Variants in WWOX observed in about 807,000 individuals in gnomAD.
WWOX encodes WW domain containing oxidoreductase, also known as WW domain-containing oxidoreductase.
In WWOX, 69 loss-of-function variants were observed where a neutral mutation model predicts 46.2. The ratio of observed to expected loss-of-function variants is 1.49; its 90% CI spans 1.23 to 1.82. The LOEUF (loss-of-function observed/expected upper bound fraction) is 1.82. WWOX is among the 40% of genes most tolerant of loss of function. WWOX has a pLI of 0.00. For missense variants in WWOX, 919 were observed against 542.6 expected (o/e 1.69, Z -6.89); for synonymous variants, 359 against 202.6 (o/e 1.77, Z -6.56).
chr16:78,849,265 A>G (rs1301899831), intron 8 of WWOX, among the ~76,000 whole-genome samples: 1 of 152,176 alleles, frequency 6.6e-6, no homozygotes, highest in African/African-American at 2.4e-5. Flanking sequence ...CGAAGTCACG[A>G]AGTTGTCAAA....
At chr16:78,655,572 T>C (rs555376916) in intron 8 of WWOX, among the ~76,000 whole-genome samples, 1 of 152,300 alleles carries the variant, frequency 6.6e-6, no homozygotes, top group South Asian at 2.1e-4. Flanking sequence ...CCATTAACAA[T>C]TGATGCACTT....
intron 5 of WWOX, among the ~76,000 whole-genome samples, chr16:78,212,632 C>A (rs1236047892): frequency 1.3e-5 from 2 of 152,130 alleles, no homozygotes; most frequent in African/African-American, 2.4e-5. Flanking sequence ...TGAATTAGGT[C>A]CACGAAAGAG....
At chr16:78,904,689 G>A (rs1481933422) in intron 8 of WWOX, among the ~76,000 whole-genome samples, 1 of 152,094 alleles carries the variant, frequency 6.6e-6, no homozygotes, top group Non-Finnish European at 1.5e-5. Context: ...TGGGGAGCAG[G>A]TAATTATGCT....
intron 8 of WWOX, among the ~76,000 whole-genome samples, chr16:78,558,340 T>C (rs903247073): frequency 1.3e-5 from 2 of 152,236 alleles, no homozygotes; most frequent in African/African-American, 2.4e-5. Context: ...TGCTGAAGTT[T>C]GTTTTGGATT....
Position 78,166,285 on chromosome 16 carries a change from C to T in WWOX, c.516+1996C>T, listed in dbSNP as rs552064629. On this transcript the variant is annotated intron_variant, in intron 5 of 8. Transcript: ENST00000566780. ...GTGCTTATGCTATAACCAGTCTTCC[C>T]TTTGGTGGCCATTTAGGTTGTTTGC... Among the ~76,000 whole-genome samples, 643 of 151,834 alleles carry T rather than the reference C, an allele frequency of 4.2e-3. 8 individuals are homozygous for T. The South Asian group carries it at 0.046, about 11-fold the overall frequency.
chr16:78,658,301 C>T (rs974499503), intron 8 of WWOX, among the ~76,000 whole-genome samples: 4 of 152,024 alleles, frequency 2.6e-5, no homozygotes, highest in Admixed American at 2.6e-4. Flanking sequence ...TTAATAAGAC[C>T]CAAATAATAA....
chr16:78,798,403 T>C (rs963077603), intron 8 of WWOX, among the ~76,000 whole-genome samples: 2 of 152,088 alleles, frequency 1.3e-5, no homozygotes, highest in Non-Finnish European at 2.9e-5. Flanking sequence ...CATCGACAAA[T>C]GAAAAAACTG....
intron 8 of WWOX, among the ~76,000 whole-genome samples, chr16:79,199,505 A>G (rs2051305617): frequency 6.6e-6 from 1 of 152,216 alleles, no homozygotes; most frequent in Admixed American, 6.5e-5. Context: ...TCAAAACTGC[A>G]TCATTGAGAA....
intron 8 of WWOX, among the ~76,000 whole-genome samples, chr16:78,559,746 C>A (rs1052548263): frequency 6.6e-6 from 1 of 152,200 alleles, no homozygotes; most frequent in South Asian, 2.1e-4. Context: ...AAAGTTCTAA[C>A]TAATGACTTT....
intron 6 of WWOX, among the ~76,000 whole-genome samples, chr16:78,391,042 C>G (rs1000084810): frequency 1.9e-4 from 29 of 152,268 alleles, no homozygotes; most frequent in African/African-American, 6.5e-4. Flanking sequence ...ATTGTGTAGT[C>G]TTAGAGCAGA....
chr16:79,059,673 T>G (rs1318986815), intron 8 of WWOX, among the ~76,000 whole-genome samples: 2 of 152,150 alleles, frequency 1.3e-5, no homozygotes, highest in Non-Finnish European at 2.9e-5. Context: ...TTTTTGTATT[T>G]TTAGTAGAGA....
intron 8 of WWOX, among the ~76,000 whole-genome samples, chr16:79,034,661 C>G (rs1156905995): frequency 6.6e-6 from 1 of 151,426 alleles, no homozygotes; most frequent in African/African-American, 2.4e-5. Context: ...TTGAATGCTT[C>G]TGTGTCATTT....
intron 4 of WWOX, among the ~76,000 whole-genome samples, chr16:78,154,485 C>CT (rs557916068): frequency 0.013 from 1,019 of 77,808 alleles, 19 homozygotes; most frequent in African/African-American, 0.033. Context: ...AATCCTTGAT[C>CT]TTTTTTTTTT....
chr16:78,557,689 A>ATTTTTTTTTTTTTTTTT lies in WWOX; in HGVS notation c.1056+124944_1056+124960dup, dbSNP rs34068363. ...CATAAGTGCATTCCTCTAGGGAAGG[A>ATTTTTTTTTTTTTTTTT]TTTTTTTTTTTTTTTTTTTTTTTGA... is the stretch of plus-strand genomic sequence containing the variant. On this transcript the variant is annotated intron_variant, in intron 8 of 8. Coordinates refer to ENST00000566780, the MANE Select transcript of WWOX (RefSeq NM_016373.4). Among the ~76,000 whole-genome samples the ATTTTTTTTTTTTTTTTT allele has an allele frequency of 1.1e-3, 105 of 96,620 alleles. 11 individuals carry two copies. The highest frequency in any genetic ancestry group is 3.6e-3 in the African/African-American group (69 of 19,190). 63.4% of individuals were successfully genotyped at this position (96,620 alleles called of 152,430 possible). A position where few individuals can be genotyped will look rare whatever the true frequency, so the allele number is the denominator to read the frequency against.
chr16:78,923,805 T>TG (rs1239499974), intron 8 of WWOX, among the ~76,000 whole-genome samples: 2 of 142,962 alleles, frequency 1.4e-5, no homozygotes, highest in Non-Finnish European at 3.0e-5. Flanking sequence ...TTTTTTTTTT[T>TG]TTTTTTTTTT....
intron 8 of WWOX, among the ~76,000 whole-genome samples, chr16:78,594,989 G>A (rs2045452825): frequency 6.6e-6 from 1 of 152,224 alleles, no homozygotes; most frequent in Non-Finnish European, 1.5e-5. Flanking sequence ...TACTGTTGAA[G>A]ACTTGTGGAA....
At chr16:78,796,624 T>A (rs992128854) in intron 8 of WWOX, among the ~76,000 whole-genome samples, 1 of 152,344 alleles carries the variant, frequency 6.6e-6, no homozygotes, top group African/African-American at 2.4e-5. Context: ...CGAGTTTTAT[T>A]TTGCCTTTTG....
chr16:79,036,557 G>A lies in WWOX; in HGVS notation c.1057-175051G>A, dbSNP rs558349725. 2.8e-4 allele frequency among the ~76,000 whole-genome samples: 42 copies of A among 152,238 alleles called. 1 individual carries two copies. The highest frequency in any genetic ancestry group is 9.9e-4 in the African/African-American group (41 of 41,538). On this transcript the variant is annotated intron_variant, in intron 8 of 8. Transcript: ENST00000566780. ...AGGGCTTTCCTCTGCCTGAATTATCGGAGCTCTTGGCTTAATGTGGGAGAA... is the reference window on the plus strand; with the variant it reads ...AGGGCTTTCCTCTGCCTGAATTATCAGAGCTCTTGGCTTAATGTGGGAGAA...
chr16:79,147,477 T>C (rs779416165), intron 8 of WWOX, among the ~76,000 whole-genome samples: 18 of 152,234 alleles, frequency 1.2e-4, no homozygotes, highest in Non-Finnish European at 2.2e-4. Context: ...ATTGTACATA[T>C]AAGTGATCGT....
Sources: allele counts gnomAD v4.1 joint callset (sites outside exome capture counted in the v4.1 genomes callset), GRCh38; gene constraint gnomAD v4.1.1; transcripts MANE v1.5; gene names NCBI Gene and HGNC (gene_info 2026-07-23, HGNC 2026-07-21).